PARD3: variants seen among roughly 807,000 people sequenced by gnomAD.
PARD3 encodes the protein partitioning defective 3 homolog.
In PARD3, 75 loss-of-function variants were observed where a neutral mutation model predicts 155.4. The observed-to-expected ratio is 0.48, with a 90% confidence interval of 0.40 to 0.58. The LOEUF is 0.58. Among genes scored for constraint, PARD3 ranks in the 20% least tolerant of loss-of-function variants. The pLI, the probability that PARD3 is intolerant of heterozygous loss-of-function variation, is 0.00. For synonymous variants in PARD3, 576 were observed against 610.5 expected (o/e 0.94, Z 0.83); for missense variants, 1,642 against 1,721.7 (o/e 0.95, Z 0.82).
Position 34,119,670 on chromosome 10 carries a change from C to A in PARD3, c.3611G>T (p.Arg1204Leu), listed in dbSNP as rs1042929605. The change falls in exon 24 of 25, where the codon CGG (arginine) becomes CTG (leucine). Residue 1204 changes from arginine to leucine, a missense_variant. Physicochemically the swap from Arg to Leu is moderately radical, Grantham distance 102. Coordinates refer to ENST00000374788, the MANE Select transcript of PARD3 (RefSeq NM_001184785.2). ...CTGGGAGCTCTCGCGCTCCTCCTGC[C>A]GCTGCCGCTGCATCTGCACCTCCAC... is the stretch of plus-strand genomic sequence containing the variant. ...VSVEVQMQRQ[R>L]QEERESSQQA... 1 of 1,612,086 alleles carries A rather than the reference C, an allele frequency of 6.2e-7. No homozygotes were observed. Among genetic ancestry groups the A allele is most frequent in the South Asian group, 1.1e-5 (1 of 90,866 alleles).
intron 1 of PARD3, among the ~76,000 whole-genome samples, chr10:34,736,008 G>A (rs1355763444): frequency 6.6e-6 from 1 of 151,868 alleles, no homozygotes; most frequent in Non-Finnish European, 1.5e-5. Flanking sequence ...ACAGGCATGA[G>A]CCACCACACC....
At chr10:34,573,385 A>G (rs939265358) in intron 2 of PARD3, among the ~76,000 whole-genome samples, 15 of 151,788 alleles carry the variant, frequency 9.9e-5, no homozygotes, top group African/African-American at 3.4e-4. Flanking sequence ...TCAAGAATGT[A>G]TTACAGTCTT....
intron 2 of PARD3, among the ~76,000 whole-genome samples, chr10:34,633,098 T>C (rs948575773): frequency 3.9e-5 from 6 of 152,242 alleles, no homozygotes; most frequent in African/African-American, 1.4e-4. Context: ...TGTTATTGTT[T>C]AATACAATGT....
In PARD3 at chr10:34,236,655, T is replaced by C. The variant is rs577196865; in HGVS notation, c.3419+33002A>G. 1.5e-3 allele frequency among the ~76,000 whole-genome samples: 233 copies of C among 152,274 alleles called. 1 individual carries two copies. Among genetic ancestry groups the C allele is most frequent in the Admixed American group, 3.4e-3 (52 of 15,282 alleles). ...ACAGGAAGGAACAGACCTAGACCCA[T>C]GCTAGTACTCAAGACGGAAAACGTT... On this transcript the variant is annotated intron_variant, in intron 22 of 24. Coordinates refer to ENST00000374788, the MANE Select transcript of PARD3 (RefSeq NM_001184785.2).
chr10:34,189,421 G>A (rs1950613471), intron 22 of PARD3, among the ~76,000 whole-genome samples: 1 of 152,188 alleles, frequency 6.6e-6, no homozygotes, highest in African/African-American at 2.4e-5. Context: ...AAACGCCATA[G>A]GGGAGGGGGC....
chr10:34,421,983 A>T (rs1301315713), intron 5 of PARD3, among the ~76,000 whole-genome samples: 1 of 152,072 alleles, frequency 6.6e-6, no homozygotes, highest in Non-Finnish European at 1.5e-5. Context: ...GACCCAGGAG[A>T]ATTAAGCAAG....
intron 1 of PARD3, among the ~76,000 whole-genome samples, chr10:34,792,879 T>C (rs1841836729): frequency 6.6e-6 from 1 of 152,270 alleles, no homozygotes; most frequent in Non-Finnish European, 1.5e-5. Flanking sequence ...AAACATGTAA[T>C]AACACGGTCA....
chr10:34,557,852 T>C, intron 2 of PARD3, among the ~76,000 whole-genome samples: 1 of 151,026 alleles, frequency 6.6e-6, no homozygotes, highest in Non-Finnish European at 1.5e-5. Context: ...GAGGACTGCT[T>C]GAGTCCAGGA....
intron 4 of PARD3, among the ~76,000 whole-genome samples, chr10:34,453,246 GC>G (rs1161481933): frequency 6.6e-6 from 1 of 152,134 alleles, no homozygotes; most frequent in Non-Finnish European, 1.5e-5. Context: ...ATTCTTCAAA[GC>G]CCAGTTCAAA....
At chr10:34,342,521 A>C (rs888017213) in intron 15 of PARD3, among the ~76,000 whole-genome samples, 17 of 152,340 alleles carry the variant, frequency 1.1e-4, no homozygotes, top group African/African-American at 3.8e-4. Context: ...AGAAAAGCCC[A>C]TGATGCAGTC....
At chr10:34,750,464 C>CAA (rs1835866594) in intron 1 of PARD3, among the ~76,000 whole-genome samples, 2 of 8,590 alleles carry the variant, frequency 2.3e-4, no homozygotes, top group African/African-American at 6.5e-4. Context: ...CTCTTTCAAA[C>CAA]ACACACACAC....
At chr10:34,785,578 T>C (rs1028452349) in intron 1 of PARD3, among the ~76,000 whole-genome samples, 6 of 152,018 alleles carry the variant, frequency 3.9e-5, no homozygotes, top group African/African-American at 1.4e-4. Flanking sequence ...AGACCATGTC[T>C]ACAAAAAAAT....
At chr10:34,638,012 T>C (rs947293613) in intron 2 of PARD3, among the ~76,000 whole-genome samples, 1 of 152,202 alleles carries the variant, frequency 6.6e-6, no homozygotes, top group Non-Finnish European at 1.5e-5. Context: ...GCACCCGCCA[T>C]TCTTACAGTG....
rs74680223 is a variant in PARD3 at position 34,472,307 on chromosome 10, A to AC, written c.404-2045dup. Among the ~76,000 whole-genome samples, 25 of 152,088 alleles carry AC rather than the reference A, an allele frequency of 1.6e-4. No homozygotes were observed. In the East Asian group the frequency reaches 4.8e-3, roughly 29 times the overall value. ...CAACCTTTGCTGCTTATTAATTTAC[A>AC]CCCCCCAAAATAAAAATAAACACCA... On this transcript the variant is annotated intron_variant, in intron 3 of 24. Transcript: ENST00000374788.
intron 1 of PARD3, among the ~76,000 whole-genome samples, chr10:34,782,689 A>C (rs1463016956): frequency 1.3e-5 from 2 of 151,974 alleles, no homozygotes; most frequent in Admixed American, 1.3e-4. Flanking sequence ...TCCAAGAAGG[A>C]CTTAACGTGA....
chr10:34,601,729 T>G (rs1426651589), intron 2 of PARD3, among the ~76,000 whole-genome samples: 2 of 152,196 alleles, frequency 1.3e-5, no homozygotes, highest in African/African-American at 2.4e-5. Context: ...TTGAAATTCA[T>G]TAAATATCAT....
rs550499735 is a variant in PARD3, at chr10:34,451,105, A to G, written c.583-657T>C. 7.3e-4 allele frequency among the ~76,000 whole-genome samples: 111 copies of G among 152,318 alleles called. 1 individual carries two copies. The South Asian group carries it at 0.022, about 30-fold the overall frequency. ...TATAACAAGCGATGTCTTTACATAA[A>G]TATTTATCAACTAAGTTTTTAATAC... On this transcript the variant is annotated intron_variant, in intron 4 of 24. Coordinates refer to ENST00000374788, the MANE Select transcript of PARD3 (RefSeq NM_001184785.2).
chr10:34,390,126 A>G lies in PARD3; in HGVS notation c.891-5872T>C, dbSNP rs187706416. On this transcript the variant is annotated intron_variant, in intron 7 of 24. Coordinates refer to ENST00000374788, the MANE Select transcript of PARD3 (RefSeq NM_001184785.2). ...ATTGCGTTTTTTTCAAAAGTTATTA[A>G]ATTAAAATTGAGTACTCAAAAGTTC... Among the ~76,000 whole-genome samples, 508 of 148,068 alleles carry G rather than the reference A, an allele frequency of 3.4e-3. 10 individuals carry two copies. The highest frequency in any genetic ancestry group is 0.029 in the Admixed American group (437 of 15,180).
intron 8 of PARD3, 63 bp from the exon 9 acceptor site, chr10:34,382,985 G>GCTTAATTAGTAAA: frequency 7.1e-6 from 11 of 1,540,480 alleles, no homozygotes; most frequent in Non-Finnish European, 7.1e-6. Context: ...GATATTATGA[G>GCTTAATTAGTAAA]CTTAATTAAG....
Sources: gnomAD v4.1 joint callset for allele counts (sites outside exome capture counted in the v4.1 genomes callset) on GRCh38, gnomAD v4.1.1 for gene constraint, MANE v1.5 for transcripts, NCBI Gene and HGNC (gene_info 2026-07-23, HGNC 2026-07-21) for gene names.